The following USP7 variants were observed in gnomAD, a reference collection of about 807,000 sequenced individuals.
USP7 encodes ubiquitin C-terminal hydrolase 7.
Under a neutral mutation model 162.9 loss-of-function variants are expected in USP7, and 9 were observed. The ratio of observed to expected loss-of-function variants is 0.06; its 90% CI spans 0.03 to 0.10. USP7 has a LOEUF of 0.10. Ranked by LOEUF, USP7 falls within the 10% of genes least tolerant of loss-of-function variation. The pLI, the probability that USP7 is intolerant of heterozygous loss-of-function variation, is 1.00. For missense variants in USP7, 715 were observed against 1,373.7 expected (o/e 0.52, Z 7.58); for synonymous variants, 562 against 475.9 (o/e 1.18, Z -2.35).
At chr16:8,934,404 A>G (rs911277802) in intron 1 of USP7, among the ~76,000 whole-genome samples, 1 of 152,256 alleles carries the variant, frequency 6.6e-6, no homozygotes, top group Non-Finnish European at 1.5e-5. Flanking sequence ...CATTGTCTCC[A>G]AAAGTTACAG....
At position 8,944,214 on chromosome 16, in the gene USP7, C is replaced by T. The variant is rs1377611131; in HGVS notation, c.80-13817G>A. 3.5e-5 allele frequency among the ~76,000 whole-genome samples: 5 copies of T among 143,026 alleles called. No homozygotes were observed. The South Asian group carries it at 6.8e-4, about 19-fold the overall frequency. 93.8% of individuals were successfully genotyped at this position (143,026 alleles called of 152,430 possible). On this transcript the variant is annotated intron_variant, in intron 1 of 30. Coordinates refer to ENST00000344836, the MANE Select transcript of USP7 (RefSeq NM_003470.3). ...TACTCTTAAAACAAAAGCAAAAATA[C>T]GCAGAGCAACAGAGGTGCAAAAAAA...
intron 1 of USP7, among the ~76,000 whole-genome samples, chr16:8,934,544 T>A (rs977274444): frequency 6.6e-6 from 1 of 152,250 alleles, no homozygotes; most frequent in Non-Finnish European, 1.5e-5. Context: ...AAAGAAAGCC[T>A]ATTATTTTCT....
At chr16:8,963,005 G>A (rs1900082089) in intron 1 of USP7, 1 of 284,352 alleles carries the variant, frequency 3.5e-6, no homozygotes, top group Non-Finnish European at 6.1e-6. Context: ...GCACGGGGCC[G>A]GGGTCCCGGC....
At chr16:8,906,306 A>T in intron 13 of USP7, 120 bp downstream of exon 13, 1 of 1,143,404 alleles carries the variant, frequency 8.7e-7, no homozygotes, top group Non-Finnish European at 1.2e-6. Flanking sequence ...GCAGCCAGAG[A>T]ATACATAGAT....
At chr16:8,930,645 T>G (rs529010690) in intron 1 of USP7, among the ~76,000 whole-genome samples, 26 of 152,312 alleles carry the variant, frequency 1.7e-4, no homozygotes, top group Admixed American at 5.9e-4. Flanking sequence ...TTATTTGCAA[T>G]GATATTCTGC....
intron 23 of USP7, 142 bp downstream of exon 23, chr16:8,898,979 T>A: frequency 1.2e-6 from 1 of 868,218 alleles, no homozygotes; most frequent in Admixed American, 2.2e-5. Flanking sequence ...AAGATGTGAG[T>A]GGTGACAATT....
intron 1 of USP7, among the ~76,000 whole-genome samples, chr16:8,959,886 C>CA (rs1899943262): frequency 1.3e-5 from 2 of 152,204 alleles, no homozygotes; most frequent in South Asian, 4.1e-4. Context: ...CTAATAGCAG[C>CA]AGTCTAAGTG....
chr16:8,904,790 A>T (rs931372344), intron 14 of USP7, among the ~76,000 whole-genome samples: 1 of 151,054 alleles, frequency 6.6e-6, no homozygotes, highest in African/African-American at 2.4e-5. Flanking sequence ...CTAAAAAAAA[A>T]AATAAAATAA....
Position 8,894,605 on chromosome 16 carries a change from C to A in USP7, c.3147G>T (p.Gln1049His), listed in dbSNP as rs749245139. The A allele has an allele frequency of 1.2e-6, 2 of 1,613,904 alleles. No homozygotes were observed. The highest frequency in any genetic ancestry group is 2.7e-5 in the African/African-American group (2 of 75,018). ...CTTCATACTCGTCTTCATTTATGTA[C>A]TGGTGTCGGCCCATCATTACAATTG... ...KFAIVMMGRH[Q>H]YINEDEYEVN... The change falls in exon 30 of 31, where the codon CAG becomes CAT. Residue 1049 changes from glutamine (Q) to histidine (H), a missense_variant. Coordinates refer to ENST00000344836, the MANE Select transcript of USP7 (RefSeq NM_003470.3).
chr16:8,902,690 C>A (rs779234594), intron 16 of USP7, among the ~76,000 whole-genome samples: 2 of 152,124 alleles, frequency 1.3e-5, no homozygotes, highest in African/African-American at 4.8e-5. Flanking sequence ...GAGTTCAAGA[C>A]CAGCCTGGCC....
chr16:8,953,497 G>A (rs1899653988), intron 1 of USP7, among the ~76,000 whole-genome samples: 1 of 151,854 alleles, frequency 6.6e-6, no homozygotes, highest in African/African-American at 2.4e-5. Flanking sequence ...TTGGGGAGAA[G>A]ACACGTGCCC....
intron 30 of USP7, 26 bp downstream of exon 30, chr16:8,894,524 G>GC (rs756770513): frequency 2.8e-5 from 42 of 1,490,828 alleles, no homozygotes; most frequent in South Asian, 9.3e-5. Flanking sequence ...ACCCACACCA[G>GC]CCCCCGGGGG....
intron 12 of USP7, among the ~76,000 whole-genome samples, chr16:8,907,222 T>G (rs933356806): frequency 1.3e-5 from 2 of 152,216 alleles, no homozygotes; most frequent in African/African-American, 4.8e-5. Context: ...ATCTCACAAT[T>G]TAAAAAATGT....
At chr16:8,914,081 C>T (rs1428076489) in intron 10 of USP7, among the ~76,000 whole-genome samples, 1 of 151,994 alleles carries the variant, frequency 6.6e-6, no homozygotes, top group Non-Finnish European at 1.5e-5. Flanking sequence ...GACTATAAAT[C>T]AGTTAAGGAA....
chr16:8,914,430 A>G (rs1333750497), intron 10 of USP7, among the ~76,000 whole-genome samples: 2 of 152,178 alleles, frequency 1.3e-5, no homozygotes, highest in East Asian at 3.8e-4. Context: ...CCAAATGCAA[A>G]CAGGCATTAA....
chr16:8,895,737 G>A lies in USP7; in HGVS notation c.2824C>T (p.Leu942=), dbSNP rs201722780. The change falls in exon 27 of 31, where the codon CTA becomes TTA. Residue 942 remains leucine (L), a synonymous_variant. Coordinates refer to ENST00000344836, the MANE Select transcript of USP7 (RefSeq NM_003470.3). ...GEKASGKLRL[L]EIVSYKIIGV... ...ATGATTTTGTAGCTTACAATTTCTAGCAGCCTGAACAGAGAGGAAAAAAAA... is the reference window on the plus strand; with the variant it reads ...ATGATTTTGTAGCTTACAATTTCTAACAGCCTGAACAGAGAGGAAAAAAAA... 6.2e-7 allele frequency: 1 copy of A among 1,610,636 alleles called. No homozygotes were observed. The highest frequency in any genetic ancestry group is 1.3e-5 in the African/African-American group (1 of 74,594).
At chr16:8,940,961 T>G (rs1218219162) in intron 1 of USP7, among the ~76,000 whole-genome samples, 2 of 152,150 alleles carry the variant, frequency 1.3e-5, no homozygotes, top group Non-Finnish European at 1.5e-5. Flanking sequence ...AAGTCAGGAA[T>G]AGCAGGACAG....
At chr16:8,935,603 G>A (rs1463081837) in intron 1 of USP7, 1 of 152,200 alleles carries the variant, frequency 6.6e-6, no homozygotes, top group Non-Finnish European at 1.5e-5. Context: ...AAACAGACAA[G>A]CCCTGGATGA....
rs2061640842 is a variant in USP7, at chr16:8,893,811, T to A, written c.*187A>T. ...TCCAAGCTTTATAAAAACATCTTCA[T>A]TTTGCTCAAAAAGGGCAGTCAATAG... is the stretch of plus-strand genomic sequence containing the variant. On this transcript the variant is annotated 3_prime_UTR_variant, in exon 31 of 31. Coordinates refer to ENST00000344836, the MANE Select transcript of USP7 (RefSeq NM_003470.3). The A allele has an allele frequency of 1.7e-6, 1 of 580,738 alleles. No individual in the cohort carries two copies. The highest frequency in any genetic ancestry group is 3.1e-6 in the Non-Finnish European group (1 of 323,708). The allele number at this position is 580,738 out of a possible 1,614,324, so 36.0% of individuals were successfully genotyped here. A position where few individuals can be genotyped will look rare whatever the true frequency, so the allele number is the denominator to read the frequency against.
Sources: gnomAD v4.1 joint callset for allele counts (sites outside exome capture counted in the v4.1 genomes callset) on GRCh38, gnomAD v4.1.1 for gene constraint, MANE v1.5 for transcripts, NCBI Gene and HGNC (gene_info 2026-07-23, HGNC 2026-07-21) for gene names.